The following CSF2RA variants were observed in gnomAD, a reference collection of about 807,000 sequenced individuals.
CSF2RA encodes colony stimulating factor 2 receptor subunit alpha, also known as granulocyte-macrophage colony-stimulating factor receptor subunit alpha.
A neutral mutation model predicts 51.6 loss-of-function variants in CSF2RA; 42 were observed. The observed-to-expected ratio is 0.81, with a 90% CI of 0.64 to 1.05. The LOEUF (loss-of-function observed/expected upper bound fraction) is 1.05. CSF2RA is among the 50% of genes least tolerant of loss of function. CSF2RA has a pLI of 0.00. For missense variants in CSF2RA, 530 were observed against 501.1 expected, an observed-to-expected ratio of 1.06 and a Z score of -0.55; for synonymous variants, 222 against 193.0, an observed-to-expected ratio of 1.15 and a Z score of -1.24.
chrX:1,272,395 T>C (rs1315433259), intron 1 of CSF2RA, among the ~76,000 whole-genome samples: 1 of 145,394 alleles, frequency 6.9e-6, no homozygotes, highest in Non-Finnish European at 1.5e-5. Flanking sequence ...AAAAAAAAGG[T>C]TATAGGGTTG....
chrX:1,320,160 G>C, the CSF2RA span, among the ~76,000 whole-genome samples: 1 of 152,068 alleles, frequency 6.6e-6, no homozygotes, highest in Admixed American at 6.6e-5. Flanking sequence ...CTCCCAAAGT[G>C]CTGGGATTAC....
At chrX:1,320,592 G>A in the CSF2RA span, among the ~76,000 whole-genome samples, 6 of 151,110 alleles carry the variant, frequency 4.0e-5, no homozygotes, top group South Asian at 2.1e-4. Context: ...CTGCCTCCAG[G>A]GTTCAAGCGA....
chrX:1,295,549 CAT>C, intron 9 of CSF2RA, 93 bp downstream of exon 9: 1 of 948,592 alleles, frequency 1.1e-6, no homozygotes, highest in Non-Finnish European at 1.6e-6. Context: ...GTCCCCTACT[CAT>C]GACCCCTACA....
chrX:1,289,819 G>GTTTTTTTTTTTTTTTTTTTTTTT (rs1569502499), intron 6 of CSF2RA, among the ~76,000 whole-genome samples: 1 of 117,784 alleles, frequency 8.5e-6, no homozygotes. Context: ...GTTTTGTTTT[G>GTTTTTTTTTTTTTTTTTTTTTTT]TTTTGTGTTT....
At chrX:1,301,620 C>G (rs1410937864) in intron 10 of CSF2RA, among the ~76,000 whole-genome samples, 1 of 128,386 alleles carries the variant, frequency 7.8e-6, no homozygotes, top group African/African-American at 2.9e-5. Flanking sequence ...TTTTTTGAGA[C>G]GGCGTTTCGC....
Position 1,305,485 on chromosome X carries a change from G to C in CSF2RA, c.1083G>C (p.Gln361His). The C allele has an allele frequency of 1.2e-6, 2 of 1,613,968 alleles. No individual in the cohort carries two copies. The highest frequency in any genetic ancestry group is 1.1e-5 in the South Asian group (1 of 91,080). ...RIQRLFPPVP[Q>H]IKDKLNDNHE... is the part of the protein sequence containing the mutation. ...AGCGGCTGTTCCCGCCAGTTCCACAGATCAAAGACAAACTGAATGATAACC... is the reference window on the plus strand; with the variant it reads ...AGCGGCTGTTCCCGCCAGTTCCACACATCAAAGACAAACTGAATGATAACC... Residue 361 changes from glutamine to histidine, a missense_variant, in exon 12 of 13, where the codon CAG becomes CAC. Coordinates refer to ENST00000381529, the MANE Select transcript of CSF2RA (RefSeq NM_172245.4).
chrX:1,303,968 T>C lies in CSF2RA; in HGVS notation c.992T>C (p.Leu331Pro), dbSNP rs2083278391. The C allele has an allele frequency of 1.9e-6, 3 of 1,613,490 alleles. No homozygotes were observed. Among genetic ancestry groups the C allele is most frequent in the Middle Eastern group, 1.7e-4 (1 of 6,056 alleles). ...NLGSVYIYVL[L>P]IVGTLVCGIV... ...GGCTCTGTGTACATTTATGTGCTCC[T>C]AATCGTGGGAACCCTTGTCTGTGGC... The change falls in exon 11 of 13, where the codon CTA (leucine) becomes CCA (proline). Residue 331 changes from leucine to proline, a missense_variant. Leu to Pro is a moderately conservative substitution (Grantham distance 98). Coordinates refer to ENST00000381529, the MANE Select transcript of CSF2RA (RefSeq NM_172245.4).
rs28379161 is a variant in CSF2RA, at chrX:1,305,942, T to C, written c.1125+415T>C. The C allele has an allele frequency of 0.52, 356,957 of 690,370 alleles. 94,941 individuals are homozygous for C. The highest frequency in any genetic ancestry group is 0.74 in the African/African-American group (41,606 of 55,898). 42.8% of individuals were successfully genotyped at this position (690,370 alleles called of 1,614,324 possible). On this transcript the variant is annotated intron_variant, in intron 12 of 12. Coordinates refer to ENST00000381529, the MANE Select transcript of CSF2RA (RefSeq NM_172245.4). ...CTAAAAATACAAAAAATTAGCTGGG[T>C]GTGGTGGTGTACGCCTGAAATCCCA...
At chrX:1,283,310 CT>C (rs2090268951) in intron 3 of CSF2RA, among the ~76,000 whole-genome samples, 1 of 144,086 alleles carries the variant, frequency 6.9e-6, no homozygotes, top group Non-Finnish European at 1.5e-5. Context: ...CTCTTCCTTC[CT>C]TCCCTCCTTC....
chrX:1,299,073 C>T (rs1423402527), intron 9 of CSF2RA, among the ~76,000 whole-genome samples: 1 of 152,134 alleles, frequency 6.6e-6, no homozygotes, highest in African/African-American at 2.4e-5. Context: ...CGGGTGAGGG[C>T]CCCCTCATAG....
intron 7 of CSF2RA, 148 bp downstream of exon 7, chrX:1,290,657 G>T: frequency 2.4e-6 from 2 of 831,202 alleles, no homozygotes; most frequent in Non-Finnish European, 2.1e-6. Context: ...CTGAGATCGG[G>T]TGTTCAAAAC....
At chrX:1,304,061 C>A in intron 11 of CSF2RA, 42 bp downstream of exon 11, 2 of 1,505,524 alleles carry the variant, frequency 1.3e-6, no homozygotes, top group Non-Finnish European at 1.8e-6. Flanking sequence ...GAAAACAGGC[C>A]AGGCCGGGAG....
At chrX:1,313,307 G>A (rs1385775736), downstream of CSF2RA, among the ~76,000 whole-genome samples, 3 of 151,356 alleles carry the variant, frequency 2.0e-5, no homozygotes, top group South Asian at 2.1e-4. Context: ...GGTGGCACAC[G>A]CCTGTAATCC....
At chrX:1,316,973 C>G in the CSF2RA span, among the ~76,000 whole-genome samples, 17 of 152,176 alleles carry the variant, frequency 1.1e-4, no homozygotes, top group East Asian at 2.7e-3. Flanking sequence ...TTGAGACGGA[C>G]TCTCACTCTG....
intron 2 of CSF2RA, among the ~76,000 whole-genome samples, chrX:1,276,535 G>A (rs1362939367): frequency 2.0e-5 from 3 of 151,196 alleles, no homozygotes; most frequent in African/African-American, 2.4e-5. Context: ...CATCACACCC[G>A]GCTAGTATTT....
chrX:1,275,403 A>G (rs2089050865), intron 2 of CSF2RA, among the ~76,000 whole-genome samples: 1 of 151,796 alleles, frequency 6.6e-6, no homozygotes, highest in South Asian at 2.1e-4. Flanking sequence ...ACACTGCAAA[A>G]TATTTAAAGA....
intron 2 of CSF2RA, among the ~76,000 whole-genome samples, chrX:1,280,546 G>A (rs28628231): frequency 0.6 from 89,852 of 150,514 alleles, 27,589 homozygotes; most frequent in African/African-American, 0.75. Flanking sequence ...ACAACTCAAA[G>A]TGGGGGCTTC....
rs779425213 is a variant in CSF2RA, at chrX:1,300,538, T to C, written c.858T>C (p.Ser286=). 6.2e-7 allele frequency: 1 copy of C among 1,614,006 alleles called. No individual in the cohort carries two copies. Among genetic ancestry groups the C allele is most frequent in the East Asian group, 2.2e-5 (1 of 44,884 alleles). ...DLENRYNFPS[S]EPRAKHSVKI... Reference sequence around the variant, plus strand: ...AAAATAGATACAACTTTCCAAGCTCTGAGCCCAGAGCAAAACACAGTGTGA... The same window carrying C: ...AAAATAGATACAACTTTCCAAGCTCCGAGCCCAGAGCAAAACACAGTGTGA... The change falls in exon 10 of 13, where the codon TCT becomes TCC. Residue 286 remains serine, a synonymous_variant. Transcript: ENST00000381529.
chrX:1,323,128 C>CAAAA, the CSF2RA span, among the ~76,000 whole-genome samples: 6 of 83,462 alleles, frequency 7.2e-5, no homozygotes, highest in Non-Finnish European at 1.6e-4. Context: ...GATTCCGTCT[C>CAAAA]AAAAAAAATA....
Sources: allele counts gnomAD v4.1 joint callset (sites outside exome capture counted in the v4.1 genomes callset), GRCh38; gene constraint gnomAD v4.1.1; transcripts MANE v1.5; gene names NCBI Gene and HGNC (gene_info 2026-07-23, HGNC 2026-07-21).